The following VPS13D variants were observed in gnomAD, a reference collection of about 807,000 sequenced individuals.
The protein encoded by VPS13D is vacuolar protein sorting 13 homolog D.
In VPS13D, 187 loss-of-function variants were observed where a neutral mutation model predicts 461.9. The observed-to-expected ratio is 0.40, with a 90% CI of 0.36 to 0.46. VPS13D has a LOEUF of 0.46. VPS13D is among the 20% of genes least tolerant of loss of function. VPS13D has a pLI of 0.60. For synonymous variants in VPS13D, 1,951 were observed against 1,986.3 expected, an observed-to-expected ratio of 0.98 and a Z score of 0.47; for missense variants, 4,711 against 5,364.9, an observed-to-expected ratio of 0.88 and a Z score of 3.81.
At chr1:12,232,877 A>G (rs766820106) in intron 1 of VPS13D, among the ~76,000 whole-genome samples, 10 of 151,796 alleles carry the variant, frequency 6.6e-5, no homozygotes, top group African/African-American at 9.7e-5. Context: ...TCTCCCATGT[A>G]TATTATTTTA....
chr1:12,278,183 A>G (rs2101365289), intron 19 of VPS13D, 145 bp downstream of exon 19: 1 of 869,240 alleles, frequency 1.2e-6, no homozygotes, highest in Non-Finnish European at 1.7e-6. Flanking sequence ...GAGTTTTAAT[A>G]GAATGCCTTG....
intron 13 of VPS13D, among the ~76,000 whole-genome samples, chr1:12,265,520 A>G (rs1010021270): frequency 1.3e-5 from 2 of 152,206 alleles, no homozygotes; most frequent in African/African-American, 4.8e-5. Flanking sequence ...TAGGTAAAGT[A>G]TATAGAAAAG....
chr1:12,339,923 T>C (rs1643531699), intron 40 of VPS13D, among the ~76,000 whole-genome samples: 1 of 152,212 alleles, frequency 6.6e-6, no homozygotes, highest in South Asian at 2.1e-4. Flanking sequence ...CCTGTTCTTT[T>C]TAAATCTAAT....
intron 1 of VPS13D, among the ~76,000 whole-genome samples, chr1:12,231,317 C>T (rs1465960948): frequency 6.6e-6 from 1 of 152,180 alleles, no homozygotes; most frequent in Non-Finnish European, 1.5e-5. Context: ...TCAGGGAATC[C>T]TTGAAGTGGC....
chr1:12,326,601 T>C (rs553342728), intron 35 of VPS13D, among the ~76,000 whole-genome samples: 3 of 152,090 alleles, frequency 2.0e-5, no homozygotes, highest in South Asian at 4.2e-4. Context: ...TCCCAAAGCA[T>C]TGGGCTTATA....
At chr1:12,500,094 G>A (rs758019460) in intron 68 of VPS13D, 425 of 985,138 alleles carry the variant, frequency 4.3e-4, no homozygotes, top group South Asian at 2.7e-3. Context: ...ATTATTTCCC[G>A]ATGGAGTGAA....
intron 60 of VPS13D, among the ~76,000 whole-genome samples, chr1:12,387,154 G>A (rs1466156322): frequency 6.6e-6 from 1 of 152,184 alleles, no homozygotes; most frequent in Non-Finnish European, 1.5e-5. Flanking sequence ...CCACCAGCTG[G>A]ACTGGAAAAA....
At position 12,256,690 on chromosome 1, in the gene VPS13D, G is replaced by GT. The variant is rs372902457; in HGVS notation, c.840+207dup. 0.04 allele frequency among the ~76,000 whole-genome samples: 4,954 copies of GT among 122,998 alleles called. 221 individuals are homozygous for GT. Among genetic ancestry groups the GT allele is most frequent in the African/African-American group, 0.12 (3,928 of 33,682 alleles). The allele number at this position is 122,998 out of a possible 152,430, so 80.7% of individuals were successfully genotyped here. A position where few individuals can be genotyped will look rare whatever the true frequency, so the allele number is the denominator to read the frequency against. On this transcript the variant is annotated intron_variant, in intron 8 of 69. Coordinates refer to ENST00000620676, the MANE Select transcript of VPS13D (RefSeq NM_015378.4). The stretch of plus-strand genomic sequence containing the variant: ...GTTAAATTGGGTTGATCTCAGGTTA[G>GT]TTTTTTTTTTTTTTTTTTTTAATTA...
chr1:12,459,943 C>T (rs890767074), intron 66 of VPS13D, among the ~76,000 whole-genome samples: 1 of 146,842 alleles, frequency 6.8e-6, no homozygotes, highest in Admixed American at 6.7e-5. Flanking sequence ...CTCAGCTTTT[C>T]TCTGATTTTT....
Position 12,341,746 on chromosome 1 carries a change from G to T in VPS13D, c.8627-34G>T, listed in dbSNP as rs374028165. On this transcript the variant is annotated intron_variant, in intron 40 of 69. Coordinates refer to ENST00000620676, the MANE Select transcript of VPS13D (RefSeq NM_015378.4). ...GAGGGTCTCTGCCATGCAGATAGGG[G>T]CGTCTGCTCATAGCCTTCTTCTGTT... 36 of 1,595,922 alleles carry T rather than the reference G, an allele frequency of 2.3e-5. No homozygotes were observed. In the Admixed American group the frequency reaches 3.0e-4, roughly 13 times the overall value.
intron 20 of VPS13D, among the ~76,000 whole-genome samples, chr1:12,282,426 G>A (rs369404711): frequency 6.6e-6 from 1 of 152,170 alleles, no homozygotes; most frequent in East Asian, 1.9e-4. Context: ...CATTTTTGTG[G>A]GGTCAGAAAA....
In VPS13D at chr1:12,256,987, C is replaced by T; in HGVS notation, c.841C>T (p.Leu281=). Residue 281 remains leucine, a splice_region_variant and synonymous_variant, in exon 9 of 70, where the codon CTG becomes TTG. Transcript: ENST00000620676. ...LETIPLKLSQ[L]QYRQIMEFLK... is the part of the protein sequence containing the mutation. ...GTATCTCTTAACCTCTAATACAAAG[C>T]TGCAATACCGGCAAATCATGGAATT... The T allele has an allele frequency of 1.2e-6, 2 of 1,614,088 alleles. No homozygotes were observed. Among genetic ancestry groups the T allele is most frequent in the Non-Finnish European group, 1.7e-6 (2 of 1,179,982 alleles).
Position 12,508,360 on chromosome 1 carries a change from G to C in VPS13D, c.13036-533G>C, listed in dbSNP as rs186776737. 3.4e-3 allele frequency among the ~76,000 whole-genome samples: 521 copies of C among 152,162 alleles called. 6 individuals are homozygous for C. Among genetic ancestry groups the C allele is most frequent in the East Asian group, 8.3e-3 (43 of 5,178 alleles). On this transcript the variant is annotated intron_variant, in intron 69 of 69. Coordinates refer to ENST00000620676, the MANE Select transcript of VPS13D (RefSeq NM_015378.4). ...GCAGATCAGTTATGGCCGTGGGGGG[G>C]AGTTCCCAAATGTCAGGTGAGTATG...
chr1:12,381,985 T>TTTCTTTCC (rs1644287112), intron 57 of VPS13D, among the ~76,000 whole-genome samples: 3 of 147,164 alleles, frequency 2.0e-5, no homozygotes, highest in Middle Eastern at 3.4e-3. Flanking sequence ...TTTCTTTCTC[T>TTTCTTTCC]CTCTCTCTCT....
intron 36 of VPS13D, among the ~76,000 whole-genome samples, chr1:12,328,359 CT>C (rs71570103): frequency 0.046 from 6,151 of 134,132 alleles, 389 homozygotes; most frequent in African/African-American, 0.15. Context: ...GTACTCTATC[CT>C]TTTTTTTTTT....
intron 67 of VPS13D, among the ~76,000 whole-genome samples, chr1:12,470,147 A>G (rs1570239955): frequency 6.6e-6 from 1 of 152,350 alleles, no homozygotes; most frequent in African/African-American, 2.4e-5. Flanking sequence ...GGGGTGACCC[A>G]AACTGTATCA....
chr1:12,268,604 T>C (rs777304752), intron 15 of VPS13D, 102 bp from the exon 16 acceptor site: 1 of 1,321,932 alleles, frequency 7.6e-7, no homozygotes, highest in South Asian at 1.5e-5. Context: ...AATTGAAAAA[T>C]AATTTAGAAA....
chr1:12,310,322 T>C (rs1318947528), intron 27 of VPS13D, among the ~76,000 whole-genome samples: 1 of 152,234 alleles, frequency 6.6e-6, no homozygotes, highest in Non-Finnish European at 1.5e-5. Flanking sequence ...CTCTGTTGTA[T>C]GTCGGCTTTT....
Position 12,509,942 on chromosome 1 carries a change from T to C in VPS13D, c.*918T>C, listed in dbSNP as rs1315219426. 2.6e-5 allele frequency: 4 copies of C among 152,100 alleles called. No individual in the cohort carries two copies. The East Asian group carries it at 5.8e-4, about 22-fold the overall frequency. The allele number at this position is 152,100 out of a possible 1,614,324, so 9.4% of individuals were successfully genotyped here. On this transcript the variant is annotated 3_prime_UTR_variant, in exon 70 of 70. Transcript: ENST00000620676. ...TGTTGCAACAAATCAGAAATCCACATAAAAGTGCTCTCCTGCCTGGGCAGC... is the reference window on the plus strand; with the variant it reads ...TGTTGCAACAAATCAGAAATCCACACAAAAGTGCTCTCCTGCCTGGGCAGC...
Sources: allele counts gnomAD v4.1 joint callset (sites outside exome capture counted in the v4.1 genomes callset), GRCh38; gene constraint gnomAD v4.1.1; transcripts MANE v1.5; gene names NCBI Gene and HGNC (gene_info 2026-07-23, HGNC 2026-07-21).